The following CLDN10 variants were observed in gnomAD, a reference collection of about 807,000 sequenced individuals.
CLDN10 encodes claudin 10.
Under a neutral mutation model 22.9 loss-of-function variants are expected in CLDN10, and 15 were observed. The ratio of observed to expected loss-of-function variants is 0.65; its 90% CI spans 0.44 to 1.01. The LOEUF is 1.01. Ranked by LOEUF, CLDN10 falls within the 50% of genes least tolerant of loss-of-function variation. CLDN10 has a pLI of 0.00. For synonymous variants in CLDN10, 114 were observed against 111.4 expected (o/e 1.02, Z -0.15); for missense variants, 247 against 287.8 (o/e 0.86, Z 1.03).
intron 1 of CLDN10, among the ~76,000 whole-genome samples, chr13:95,473,604 C>A (rs1425105708): frequency 1.3e-5 from 2 of 152,230 alleles, no homozygotes; most frequent in Non-Finnish European, 2.9e-5. Context: ...CCTTATTCAG[C>A]TGACCTCTAA....
At position 95,442,076 on chromosome 13, in the gene CLDN10, G is replaced by A. The variant is rs970007777; in HGVS notation, c.214+8029G>A. ...TGAGGTGGAAGGATCACCTGAGCCA[G>A]GGAGGTCAAGGCTGCAGTGAGCTGT... On this transcript the variant is annotated intron_variant, in intron 1 of 4. Transcript: ENST00000376873. Among the ~76,000 whole-genome samples the A allele has an allele frequency of 3.3e-5, 5 of 152,294 alleles. No homozygotes were observed. In the East Asian group the frequency reaches 9.7e-4, roughly 29 times the overall value.
At chr13:95,434,196 A>G in intron 1 of CLDN10, 1 of 668,550 alleles carries the variant, frequency 1.5e-6, no homozygotes, top group South Asian at 1.8e-5. Context: ...GATGGGGTGT[A>G]TGAGTATTGG....
At chr13:95,521,116 T>C (rs2043220455) in intron 1 of CLDN10, among the ~76,000 whole-genome samples, 5 of 152,224 alleles carry the variant, frequency 3.3e-5, no homozygotes, top group Admixed American at 3.3e-4. Context: ...CATACAATCA[T>C]ATAAAATTTG....
chr13:95,506,582 C>T (rs2043041285), intron 1 of CLDN10, among the ~76,000 whole-genome samples: 1 of 152,196 alleles, frequency 6.6e-6, no homozygotes, highest in African/African-American at 2.4e-5. Flanking sequence ...AGATTCAAGC[C>T]TCAGGCCCTC....
chr13:95,484,508 G>C (rs936939107), intron 1 of CLDN10, among the ~76,000 whole-genome samples: 1 of 151,998 alleles, frequency 6.6e-6, no homozygotes, highest in African/African-American at 2.4e-5. Context: ...GTGTTACAAG[G>C]TCAAGTTTTT....
rs534683527 is a variant in CLDN10 at position 95,547,234 on chromosome 13, G to A, written c.215-12898G>A. ...TTTTATTTCTCACTTTCCTTTGCAA[G>A]CGCCTCACTCCCAACCACTTTTGCT... On this transcript the variant is annotated intron_variant, in intron 1 of 4. Transcript: ENST00000376873. Among the ~76,000 whole-genome samples the A allele has an allele frequency of 8.5e-4, 129 of 151,832 alleles. 2 individuals carry two copies. Among genetic ancestry groups the A allele is most frequent in the South Asian group, 1.7e-3 (8 of 4,792 alleles).
intron 1 of CLDN10, among the ~76,000 whole-genome samples, chr13:95,533,179 T>C (rs2043363715): frequency 6.7e-6 from 1 of 150,286 alleles, no homozygotes; most frequent in Admixed American, 6.7e-5. Context: ...TTAGGAGAAA[T>C]TGTACTGAGG....
chr13:95,548,301 G>T (rs1048824067), upstream of CLDN10, among the ~76,000 whole-genome samples: 1 of 152,136 alleles, frequency 6.6e-6, no homozygotes, highest in Non-Finnish European at 1.5e-5. Flanking sequence ...GGCTCAAGAG[G>T]AGTCTACTAA....
At chr13:95,576,033 G>C (rs756635739) in intron 3 of CLDN10, among the ~76,000 whole-genome samples, 39 of 152,126 alleles carry the variant, frequency 2.6e-4, no homozygotes, top group Non-Finnish European at 4.3e-4. Flanking sequence ...CCCTGCCTGC[G>C]ACTCAGACCA....
intron 1 of CLDN10, among the ~76,000 whole-genome samples, chr13:95,539,832 T>C (rs2138621470): frequency 6.6e-6 from 1 of 152,326 alleles, no homozygotes; most frequent in Admixed American, 6.5e-5. Flanking sequence ...TTATTCAGCT[T>C]TCAAAAGATA....
chr13:95,574,784 T>A (rs2043903391), intron 3 of CLDN10, among the ~76,000 whole-genome samples: 1 of 152,010 alleles, frequency 6.6e-6, no homozygotes, highest in Non-Finnish European at 1.5e-5. Context: ...AAGAAAAAGA[T>A]ACATAAAAAA....
At chr13:95,561,449 G>A (rs867517011) in intron 3 of CLDN10, among the ~76,000 whole-genome samples, 1 of 152,104 alleles carries the variant, frequency 6.6e-6, no homozygotes. Context: ...AATAGCTAGC[G>A]CATGTTGAGT....
intron 1 of CLDN10, among the ~76,000 whole-genome samples, chr13:95,493,839 T>C (rs1243405989): frequency 6.6e-6 from 1 of 152,158 alleles, no homozygotes; most frequent in Non-Finnish European, 1.5e-5. Context: ...GGATTACAGG[T>C]GTGAGGCACC....
intron 1 of CLDN10, among the ~76,000 whole-genome samples, chr13:95,442,268 G>T (rs1039079368): frequency 1.3e-5 from 2 of 152,194 alleles, no homozygotes; most frequent in African/African-American, 2.4e-5. Context: ...GCCTTGAAAG[G>T]TCACATCTCT....
intron 1 of CLDN10, among the ~76,000 whole-genome samples, chr13:95,448,263 G>A (rs72632663): frequency 0.06 from 9,145 of 151,922 alleles, 459 homozygotes; most frequent in East Asian, 0.21. Context: ...ACACATACAT[G>A]TGGGCAACAC....
chr13:95,439,073 C>T (rs1453033195), intron 1 of CLDN10, among the ~76,000 whole-genome samples: 1 of 151,178 alleles, frequency 6.6e-6, no homozygotes, highest in Non-Finnish European at 1.5e-5. Flanking sequence ...TAGGGAACAG[C>T]TGGGAGCCAT....
intron 1 of CLDN10, among the ~76,000 whole-genome samples, chr13:95,460,562 C>A (rs1229830051): frequency 6.6e-6 from 1 of 152,164 alleles, no homozygotes; most frequent in Non-Finnish European, 1.5e-5. Context: ...TCACTCAATG[C>A]CACAAGAACA....
intron 1 of CLDN10, among the ~76,000 whole-genome samples, chr13:95,558,730 A>C (rs2043668306): frequency 6.6e-6 from 1 of 152,200 alleles, no homozygotes; most frequent in African/African-American, 2.4e-5. Flanking sequence ...ATTCGAGACT[A>C]ATCTGGGCAT....
chr13:95,532,488 TAACATC>T (rs992666978), intron 1 of CLDN10, among the ~76,000 whole-genome samples: 1 of 152,158 alleles, frequency 6.6e-6, no homozygotes, highest in Non-Finnish European at 1.5e-5. Context: ...AAGAGACTGA[TAACATC>T]TAACGTTGGC....
Sources: gnomAD v4.1 joint callset for allele counts (sites outside exome capture counted in the v4.1 genomes callset) on GRCh38, gnomAD v4.1.1 for gene constraint, MANE v1.5 for transcripts, NCBI Gene and HGNC (gene_info 2026-07-23, HGNC 2026-07-21) for gene names.